Variants in IQCB1 observed in about 807,000 individuals in gnomAD.
The protein encoded by IQCB1 is IQ calmodulin-binding motif-containing protein 1.
IQCB1 carries 56 observed loss-of-function variants against 84.4 expected under a neutral mutation model. The ratio of observed to expected loss-of-function variants is 0.66; its 90% CI spans 0.54 to 0.83. IQCB1 has a LOEUF of 0.83. IQCB1 is among the 40% of genes least tolerant of loss of function. The probability of loss-of-function intolerance (pLI) is 0.00; values close to 1 mark genes in which losing one functional copy is unlikely to be tolerated. For missense variants in IQCB1, 629 were observed against 682.1 expected (o/e 0.92, Z 0.87); for synonymous variants, 210 against 234.8 (o/e 0.89, Z 0.96).
intron 5 of IQCB1, among the ~76,000 whole-genome samples, chr3:121,822,431 C>G (rs1432715648): frequency 1.3e-5 from 2 of 152,080 alleles, no homozygotes; most frequent in African/African-American, 4.8e-5. Flanking sequence ...CTTGGGGCTG[C>G]CAGAACAGTT....
Position 121,799,392 on chromosome 3 carries a change from A to T in IQCB1, c.588-18T>A. The T allele has an allele frequency of 7.0e-7, 1 of 1,438,390 alleles. No individual in the cohort carries two copies. The highest frequency in any genetic ancestry group is 9.7e-7 in the Non-Finnish European group (1 of 1,030,360). The allele number at this position is 1,438,390 out of a possible 1,614,324, so 89.1% of individuals were successfully genotyped here. On this transcript the variant is annotated intron_variant, in intron 7 of 14. Coordinates refer to ENST00000310864, the MANE Select transcript of IQCB1 (RefSeq NM_001023570.4). The stretch of plus-strand genomic sequence containing the variant: ...AATCACCACTAATAGAACAAAATAA[A>T]AAAAAAAGTACCATTACTAATTGAT...
chr3:121,784,433 T>C (rs1319484212), intron 12 of IQCB1, among the ~76,000 whole-genome samples: 1 of 152,190 alleles, frequency 6.6e-6, no homozygotes, highest in East Asian at 1.9e-4. Context: ...AATTTTATTC[T>C]GTGTGCTCCA....
chr3:121,792,530 C>T (rs1162808452), intron 10 of IQCB1, among the ~76,000 whole-genome samples: 2 of 144,102 alleles, frequency 1.4e-5, no homozygotes, highest in Admixed American at 1.4e-4. Context: ...GGCGTGATGG[C>T]GGGCGCCTGT....
In IQCB1 at chr3:121,790,233, T is replaced by C; in HGVS notation, c.987-18A>G. The C allele has an allele frequency of 6.2e-7, 1 of 1,610,670 alleles. No individual in the cohort carries two copies. Among genetic ancestry groups the C allele is most frequent in the South Asian group, 1.1e-5 (1 of 90,800 alleles). On this transcript the variant is annotated intron_variant, in intron 10 of 14. Coordinates refer to ENST00000310864, the MANE Select transcript of IQCB1 (RefSeq NM_001023570.4). ...GTTTGGATCTGTGATGGAAACAGTGTGTTATACATAATTTTCATAAATCAT... is the reference window on the plus strand; with the variant it reads ...GTTTGGATCTGTGATGGAAACAGTGCGTTATACATAATTTTCATAAATCAT...
intron 5 of IQCB1, among the ~76,000 whole-genome samples, chr3:121,809,784 T>C (rs552601957): frequency 5.5e-4 from 84 of 152,174 alleles, no homozygotes; most frequent in African/African-American, 1.9e-3. Context: ...AGGTCACTAA[T>C]CTTATCCATG....
chr3:121,795,605 G>C, intron 9 of IQCB1, 39 bp from the exon 10 acceptor site: 4 of 1,146,564 alleles, frequency 3.5e-6, no homozygotes, highest in South Asian at 1.3e-5. Flanking sequence ...TCTCTAGGAA[G>C]GTCTTTAAAA....
At chr3:121,790,452 T>C (rs1231655018) in intron 10 of IQCB1, among the ~76,000 whole-genome samples, 2 of 152,180 alleles carry the variant, frequency 1.3e-5, no homozygotes, top group African/African-American at 4.8e-5. Flanking sequence ...TAAAAAGCCT[T>C]AAAAGTGATG....
chr3:121,772,862 G>A, intron 13 of IQCB1, 149 bp from the exon 14 acceptor site: 2 of 732,396 alleles, frequency 2.7e-6, no homozygotes, highest in Admixed American at 5.1e-5. Flanking sequence ...TCTTATGCAA[G>A]TATTAATTAG....
intron 1 of IQCB1, among the ~76,000 whole-genome samples, 168 bp from the exon 2 acceptor site, chr3:121,834,647 G>A (rs1238494603): frequency 3.9e-5 from 6 of 152,166 alleles, no homozygotes; most frequent in South Asian, 2.1e-4. Context: ...GTCAGAAAAC[G>A]ATTACTGAGG....
intron 2 of IQCB1, among the ~76,000 whole-genome samples, chr3:121,832,409 C>A (rs1446378659): frequency 6.6e-6 from 1 of 151,078 alleles, no homozygotes; most frequent in Non-Finnish European, 1.5e-5. Flanking sequence ...CTCACTGCAT[C>A]CTCCACCTCC....
rs145020955 is a variant in IQCB1 at position 121,815,913 on chromosome 3, C to T, written c.394-6904G>A. ...CACAGATTTAGAAAAAACTACTTTA[C>T]ATTTCATGTGGAACCAAAAAAAAAA... is the stretch of plus-strand genomic sequence containing the variant. On this transcript the variant is annotated intron_variant, in intron 5 of 14. Coordinates refer to ENST00000310864, the MANE Select transcript of IQCB1 (RefSeq NM_001023570.4). Among the ~76,000 whole-genome samples, 1,141 of 124,860 alleles carry T rather than the reference C, an allele frequency of 9.1e-3. 7 individuals carry two copies. The highest frequency in any genetic ancestry group is 0.021 in the Middle Eastern group (5 of 238). 81.9% of individuals were successfully genotyped at this position (124,860 alleles called of 152,430 possible). A position where few individuals can be genotyped will look rare whatever the true frequency, so the allele number is the denominator to read the frequency against.
At chr3:121,823,321 C>T (rs1950341548) in intron 5 of IQCB1, among the ~76,000 whole-genome samples, 1 of 152,056 alleles carries the variant, frequency 6.6e-6, no homozygotes, top group Non-Finnish European at 1.5e-5. Flanking sequence ...AATATGAATA[C>T]ATTAACTCAG....
At chr3:121,790,350 T>C in intron 10 of IQCB1, 135 bp from the exon 11 acceptor site, 2 of 693,408 alleles carry the variant, frequency 2.9e-6, no homozygotes, top group Admixed American at 2.6e-5. Context: ...TATGATAAAA[T>C]AGCTTGTCAT....
At chr3:121,772,787 T>C in intron 13 of IQCB1, 74 bp from the exon 14 acceptor site, 11 of 1,331,630 alleles carry the variant, frequency 8.3e-6, no homozygotes, top group South Asian at 3.5e-5. Flanking sequence ...TTAGCAGAGG[T>C]TTTAGACTGC....
chr3:121,799,147 A>C (rs1949309690), intron 8 of IQCB1, 49 bp downstream of exon 8: 4 of 1,435,888 alleles, frequency 2.8e-6, no homozygotes, highest in South Asian at 1.2e-5. Context: ...ACCATCAATA[A>C]AAATTTTCTT....
At chr3:121,789,914 G>C (rs1037166591) in intron 11 of IQCB1, among the ~76,000 whole-genome samples, 159 bp downstream of exon 11, 1 of 152,040 alleles carries the variant, frequency 6.6e-6, no homozygotes, top group East Asian at 1.9e-4. Context: ...AACAGTAACC[G>C]TTTTTGAACT....
chr3:121,811,083 A>C (rs1949808624), intron 5 of IQCB1, among the ~76,000 whole-genome samples: 1 of 152,130 alleles, frequency 6.6e-6, no homozygotes, highest in South Asian at 2.1e-4. Flanking sequence ...CAACTGAGGT[A>C]CCCAGTTCAT....
chr3:121,785,029 A>G (rs1948651552), intron 12 of IQCB1, among the ~76,000 whole-genome samples: 1 of 151,566 alleles, frequency 6.6e-6, no homozygotes, highest in Non-Finnish European at 1.5e-5. Flanking sequence ...TTCTGTTGAG[A>G]CTCTCTTCTT....
chr3:121,794,452 A>G (rs1177450414), intron 10 of IQCB1, among the ~76,000 whole-genome samples: 2 of 152,114 alleles, frequency 1.3e-5, no homozygotes. Flanking sequence ...AGTTCACTCA[A>G]CCAGTAAGCT....
Sources: allele counts gnomAD v4.1 joint callset (sites outside exome capture counted in the v4.1 genomes callset), GRCh38; gene constraint gnomAD v4.1.1; transcripts MANE v1.5; gene names NCBI Gene and HGNC (gene_info 2026-07-23, HGNC 2026-07-21).